The following SLC26A6 variants were observed in gnomAD, a reference collection of about 807,000 sequenced individuals.
SLC26A6 encodes the protein solute carrier family 26 member 6, also known as anion exchange transporter.
SLC26A6 carries 67 observed loss-of-function variants against 87.1 expected under a neutral mutation model. The observed-to-expected ratio is 0.77, with a 90% confidence interval of 0.63 to 0.94. The LOEUF (loss-of-function observed/expected upper bound fraction) is 0.94, where lower values mean the gene tolerates loss of function less well. Among genes scored for constraint, SLC26A6 ranks in the 40% least tolerant of loss-of-function variants. The pLI, the probability that SLC26A6 is intolerant of heterozygous loss-of-function variation, is 0.00. For missense variants in SLC26A6, 902 were observed against 973.0 expected, an observed-to-expected ratio of 0.93 and a Z score of 0.97; for synonymous variants, 414 against 405.9, an observed-to-expected ratio of 1.02 and a Z score of -0.24.
Position 48,630,473 on chromosome 3 carries a change from C to T in SLC26A6, c.1291G>A (p.Val431Ile), listed in dbSNP as rs369832319. The change falls in exon 11 of 21, where the codon GTC becomes ATC. Residue 431 changes from valine (V) to isoleucine (I), a missense_variant. Physicochemically the swap from Val to Ile is conservative, Grantham distance 29. Around this residue, in one of 3 missense-constraint regions of SLC26A6, gnomAD observed 800 missense variants for 856.8 expected, o/e 0.93. Transcript: ENST00000395550. ...TCATGGAAGAGTTCCCCAAGTTTGACAATGATGAGGAGGATGAAAAGGGAA... is the reference window on the plus strand; with the variant it reads ...TCATGGAAGAGTTCCCCAAGTTTGATAATGATGAGGAGGATGAAAAGGGAA... ...ISSLFILLII[V>I]KLGELFHDLP... 2 of 1,560,930 alleles carry T rather than the reference C, an allele frequency of 1.3e-6. No individual in the cohort carries two copies. Among genetic ancestry groups the T allele is most frequent in the African/African-American group, 1.4e-5 (1 of 73,512 alleles).
At chr3:48,632,129 G>A (rs747255800) in intron 5 of SLC26A6, 85 bp from the exon 6 acceptor site, 3 of 1,591,400 alleles carry the variant, frequency 1.9e-6, no homozygotes, top group Admixed American at 3.4e-5. Flanking sequence ...ATGGGAGGGG[G>A]ATGAGTAGAC....
chr3:48,632,406 C>T lies in SLC26A6; in HGVS notation c.434-10G>A, dbSNP rs543527121. The stretch of plus-strand genomic sequence containing the variant: ...ATGACAGCAAAGGTCCCTGTAAGGA[C>T]GGCACGGGGCAGGTCTGAAGAGGAG... On this transcript the variant is annotated splice_polypyrimidine_tract_variant and intron_variant, in intron 4 of 20. Coordinates refer to ENST00000395550, the MANE Select transcript of SLC26A6 (RefSeq NM_022911.3). 1.3e-4 allele frequency: 210 copies of T among 1,599,574 alleles called. 6 individuals are homozygous for T. The South Asian group carries it at 1.8e-3, about 13-fold the overall frequency.
In SLC26A6 at chr3:48,628,822, C is replaced by A; in HGVS notation, c.1600-108G>T. On this transcript the variant is annotated intron_variant, in intron 14 of 20. Transcript: ENST00000395550. The surrounding 1 kb of genome is among the most constrained non-coding windows in gnomAD (Gnocchi z 4.4). ...TGCCCAGTGCCTGCCACCGCCCAGC[C>A]CTCTGCTCCCCAGGCTGCAGTCCAG... 1 of 1,290,382 alleles carries A rather than the reference C, an allele frequency of 7.7e-7. No homozygotes were observed. The allele number at this position is 1,290,382 out of a possible 1,614,324, so 79.9% of individuals were successfully genotyped here.
At chr3:48,634,259 G>A (rs930383019) in intron 1 of SLC26A6, 2 of 153,310 alleles carry the variant, frequency 1.3e-5, no homozygotes, top group South Asian at 4.1e-4. Context: ...CTCTTGGAGT[G>A]GCAATCTCTC....
At position 48,628,725 on chromosome 3, in the gene SLC26A6, G is replaced by A; in HGVS notation, c.1600-11C>T. 1.2e-6 allele frequency: 2 copies of A among 1,612,204 alleles called. No individual in the cohort carries two copies. Among genetic ancestry groups the A allele is most frequent in the East Asian group, 4.5e-5 (2 of 44,840 alleles). ...CCGGACTTCCTTGGCCTGGGGATGA[G>A]GCAGAACTGGTGGTGGCTGAATCTC... On this transcript the variant is annotated splice_polypyrimidine_tract_variant and intron_variant, in intron 14 of 20. Coordinates refer to ENST00000395550, the MANE Select transcript of SLC26A6 (RefSeq NM_022911.3). This position sits in a 1 kb window ranked among gnomAD's most constrained non-coding sequence, Gnocchi z 4.4.
At chr3:48,633,851 G>A (rs1358060984) in intron 1 of SLC26A6, 13 of 1,425,340 alleles carry the variant, frequency 9.1e-6, no homozygotes, top group Non-Finnish European at 1.2e-5. Context: ...CTCTTTCTAG[G>A]ACAAAGTCCC....
Position 48,630,613 on chromosome 3 carries a change from G to C in SLC26A6, c.1242C>G (p.Asn414Lys), listed in dbSNP as rs1413979744. 6.3e-7 allele frequency: 1 copy of C among 1,579,030 alleles called. No homozygotes were observed. Among genetic ancestry groups the C allele is most frequent in the Non-Finnish European group, 8.6e-7 (1 of 1,160,788 alleles). ...GCCCACACCCAAAGCCCACCTGCGA[G>C]TTGCCCCCGGTGCTCTCCTGTACCA... ...RSLVQESTGGNSQVAGAISSL... is the reference protein window; with the variant it reads ...RSLVQESTGGKSQVAGAISSL... Residue 414 changes from asparagine to lysine, a missense_variant, in exon 10 of 21, where the codon AAC becomes AAG. Asn to Lys is a moderately conservative substitution (Grantham distance 94, BLOSUM62 0). Transcript: ENST00000395550.
intron 2 of SLC26A6, 28 bp downstream of exon 2, chr3:48,633,449 C>T (rs369918985): frequency 1.5e-4 from 247 of 1,612,126 alleles, no homozygotes; most frequent in South Asian, 1.0e-3. Flanking sequence ...GCCCCGCCAG[C>T]GCCCCCAGGC....
intron 17 of SLC26A6, 84 bp downstream of exon 17, chr3:48,627,862 G>T: frequency 1.5e-6 from 2 of 1,341,774 alleles, no homozygotes; most frequent in Non-Finnish European, 2.0e-6. Flanking sequence ...CAGCTGCTGG[G>T]TCCATGGCAT....
chr3:48,629,817 G>A, intron 13 of SLC26A6, 55 bp downstream of exon 13: 3 of 1,610,974 alleles, frequency 1.9e-6, no homozygotes, highest in Admixed American at 3.3e-5. Flanking sequence ...GCTGCGGGGA[G>A]CCCTGTGGTA....
In SLC26A6 at chr3:48,631,687, G is replaced by T; in HGVS notation, c.865C>A (p.Gln289Lys). ...CCGGGTATCGGCATGGGCAGCTGCTGCTGCAGCTTGTCATTCAACAGCTTC... is the reference window on the plus strand; with the variant it reads ...CCGGGTATCGGCATGGGCAGCTGCTTCTGCAGCTTGTCATTCAACAGCTTC... ...VVKLLNDKLQ[Q>K]QLPMPIPGEL... is the part of the protein sequence containing the mutation. Residue 289 changes from glutamine to lysine, a missense_variant, in exon 7 of 21, where the codon CAG (glutamine) becomes AAG (lysine). By Grantham distance (53) the Gln-to-Lys change is moderately conservative. Around this residue, in one of 3 missense-constraint regions of SLC26A6, gnomAD observed 800 missense variants for 856.8 expected, o/e 0.93. Transcript: ENST00000395550. The T allele has an allele frequency of 1.2e-6, 2 of 1,613,228 alleles. No homozygotes were observed. The highest frequency in any genetic ancestry group is 1.7e-6 in the Non-Finnish European group (2 of 1,180,000).
intron 14 of SLC26A6, among the ~76,000 whole-genome samples, chr3:48,629,045 G>A (rs2046706336): frequency 6.6e-6 from 1 of 152,130 alleles, no homozygotes; most frequent in Non-Finnish European, 1.5e-5. Flanking sequence ...ATATCAATCA[G>A]ACCTTCCCCG....
At chr3:48,626,118 G>C (rs1009156525) in intron 20 of SLC26A6, 100 bp downstream of exon 20, 5 of 1,610,738 alleles carry the variant, frequency 3.1e-6, no homozygotes, top group Admixed American at 3.3e-5. Context: ...ACTGGGGACA[G>C]AGCCATGGCC....
chr3:48,633,709 CAG>C lies in SLC26A6; in HGVS notation c.24-76_24-75del, dbSNP rs773292338. ...CCTCCCCTACACCTCCACCTAGGAC[CAG>C]AGAGTTACCTACCTGATTTTTCCAG... On this transcript the variant is annotated intron_variant, in intron 1 of 20. Transcript: ENST00000395550. The C allele has an allele frequency of 1.0e-5, 16 of 1,566,980 alleles. No individual in the cohort carries two copies. In the South Asian group the frequency reaches 1.2e-4, roughly 12 times the overall value.
chr3:48,626,393 C>T (rs371547337), intron 19 of SLC26A6, 39 bp from the exon 20 acceptor site: 58 of 1,613,044 alleles, frequency 3.6e-5, no homozygotes, highest in Non-Finnish European at 6.8e-6. Context: ...CTCTCAGAAC[C>T]TCTAGGAACT....
chr3:48,628,441 C>T lies in SLC26A6; in HGVS notation c.1793G>A (p.Arg598Gln), dbSNP rs749994918. Residue 598 changes from arginine to glutamine, a missense_variant, in exon 16 of 21, where the codon CGG becomes CAG. This residue lies in a region of SLC26A6 where 800 missense variants were observed against 856.8 expected (regional missense o/e 0.93). Coordinates refer to ENST00000395550, the MANE Select transcript of SLC26A6 (RefSeq NM_022911.3). The surrounding 1 kb of genome is among the most constrained non-coding windows in gnomAD (Gnocchi z 4.4). Reference protein sequence around the residue: ...LKQLQKEEKLRKQAASPKGAS... With the variant: ...LKQLQKEEKLQKQAASPKGAS... The stretch of plus-strand genomic sequence containing the variant: ...AGACAAAAGGGGCCCTGCCTGTTTC[C>T]GAAGCTTCTCCTCTTTCTGCAGTTG... The T allele has an allele frequency of 4.3e-6, 7 of 1,613,980 alleles. No homozygotes were observed. The highest frequency in any genetic ancestry group is 5.1e-6 in the Non-Finnish European group (6 of 1,179,982).
At chr3:48,630,572 GCATGCCCACACC>G (rs747765274) in intron 10 of SLC26A6, 23 bp downstream of exon 10, 56 of 1,560,878 alleles carry the variant, frequency 3.6e-5, no homozygotes, top group Middle Eastern at 3.3e-4. Context: ...AAAGCAATGT[GCATGCCCACACC>G]CATGCCCACA....
At chr3:48,627,393 A>G in intron 17 of SLC26A6, 1 of 294,084 alleles carries the variant, frequency 3.4e-6, no homozygotes, top group South Asian at 6.4e-5. Context: ...GGGCATCCAC[A>G]TGAAACGCAT....
At chr3:48,635,227 G>A (rs1277555862) in intron 1 of SLC26A6, 144 bp downstream of exon 1, 22 of 1,193,566 alleles carry the variant, frequency 1.8e-5, no homozygotes, top group Non-Finnish European at 2.2e-5. Context: ...GCTGCAGAGG[G>A]GCAGCCGCCT....
Sources: allele counts gnomAD v4.1 joint callset (sites outside exome capture counted in the v4.1 genomes callset), GRCh38; gene constraint gnomAD v4.1.1; regional missense constraint gnomAD v4.1.1; non-coding constraint Gnocchi (gnomAD v3.1); transcripts MANE v1.5; gene names NCBI Gene and HGNC (gene_info 2026-07-23, HGNC 2026-07-21).